Variants in EYS observed in about 807,000 individuals in gnomAD.
The protein encoded by EYS is EGF-like photoreceptor maintenance factor.
A neutral mutation model predicts 282.1 loss-of-function variants in EYS; 250 were observed. The observed-to-expected ratio is 0.89, with a 90% CI of 0.80 to 0.98. The LOEUF is 0.98. EYS is among the 50% of genes least tolerant of loss of function. The pLI is 0.00. For synonymous variants in EYS, 1,355 were observed against 1,282.9 expected, an observed-to-expected ratio of 1.06 and a Z score of -1.20; for missense variants, 4,016 against 3,709.0, an observed-to-expected ratio of 1.08 and a Z score of -2.15.
intron 1 of EYS, among the ~76,000 whole-genome samples, chr6:65,688,681 AAAAC>A (rs1314917681): frequency 2.0e-5 from 3 of 152,190 alleles, no homozygotes; most frequent in African/African-American, 7.2e-5. Context: ...TTACAAGAAA[AAAAC>A]AAACAACCCC....
chr6:64,708,680 T>C (rs1443791039), intron 22 of EYS, among the ~76,000 whole-genome samples: 1 of 152,182 alleles, frequency 6.6e-6, no homozygotes, highest in Non-Finnish European at 1.5e-5. Context: ...ATATCTCCTA[T>C]AAAAGATTAG....
chr6:64,223,384 G>A (rs11965070), intron 31 of EYS, among the ~76,000 whole-genome samples: 4 of 152,030 alleles, frequency 2.6e-5, no homozygotes, highest in South Asian at 2.1e-4. Context: ...AGTAAAATGC[G>A]TATCCTCTAG....
intron 35 of EYS, among the ~76,000 whole-genome samples, chr6:63,935,362 G>A (rs1765026223): frequency 6.6e-6 from 1 of 151,698 alleles, no homozygotes. Context: ...GCACTTATCT[G>A]TTATGAGCTG....
chr6:65,700,154 C>T (rs1360168869), intron 1 of EYS, among the ~76,000 whole-genome samples: 1 of 135,256 alleles, frequency 7.4e-6, no homozygotes, highest in African/African-American at 2.8e-5. Context: ...ATTAAAACAT[C>T]ACAAGGATTT....
intron 21 of EYS, among the ~76,000 whole-genome samples, chr6:64,817,194 T>C (rs761835570): frequency 2.0e-5 from 3 of 152,074 alleles, no homozygotes; most frequent in Non-Finnish European, 4.4e-5. Flanking sequence ...CTGGAAAGCA[T>C]TCTGATGGTT....
intron 30 of EYS, among the ~76,000 whole-genome samples, chr6:64,248,254 G>A (rs1235172172): frequency 6.6e-6 from 1 of 151,704 alleles, no homozygotes; most frequent in Non-Finnish European, 1.5e-5. Context: ...GCTGGAATAT[G>A]GGGAGGCTTG....
chr6:63,953,982 C>G (rs1382592947), intron 35 of EYS, among the ~76,000 whole-genome samples: 1 of 152,170 alleles, frequency 6.6e-6, no homozygotes, highest in Non-Finnish European at 1.5e-5. Context: ...GTTTTCATAA[C>G]TTCCAAAATC....
At chr6:65,553,503 T>C (rs1768675213) in intron 2 of EYS, among the ~76,000 whole-genome samples, 1 of 152,170 alleles carries the variant, frequency 6.6e-6, no homozygotes, top group South Asian at 2.1e-4. Flanking sequence ...CAATGATTTA[T>C]ATCTTAGAGT....
intron 13 of EYS, among the ~76,000 whole-genome samples, chr6:65,006,060 C>T (rs1162306861): frequency 1.3e-5 from 2 of 152,090 alleles, no homozygotes; most frequent in African/African-American, 4.8e-5. Flanking sequence ...TCCTTAGGCA[C>T]CTAGGCTATA....
intron 5 of EYS, among the ~76,000 whole-genome samples, chr6:65,488,433 G>A (rs773339938): frequency 3.3e-5 from 5 of 151,890 alleles, no homozygotes; most frequent in Admixed American, 2.0e-4. Context: ...TGTGAAGGAC[G>A]TCTTCAAGGA....
At chr6:63,831,960 A>T (rs1022437132) in intron 36 of EYS, among the ~76,000 whole-genome samples, 3 of 152,236 alleles carry the variant, frequency 2.0e-5, no homozygotes, top group Non-Finnish European at 4.4e-5. Flanking sequence ...CTGCTCCTGA[A>T]TGACTACTGG....
intron 18 of EYS, among the ~76,000 whole-genome samples, chr6:64,895,217 A>G (rs1385711485): frequency 6.6e-6 from 1 of 152,190 alleles, no homozygotes; most frequent in Non-Finnish European, 1.5e-5. Flanking sequence ...ATCTGATGCA[A>G]ATTTCACCAA....
chr6:64,248,738 T>A (rs1767102558), intron 30 of EYS, among the ~76,000 whole-genome samples: 1 of 152,038 alleles, frequency 6.6e-6, no homozygotes, highest in African/African-American at 2.4e-5. Flanking sequence ...TGGGTATATG[T>A]CCAAAGAAAA....
At chr6:64,952,464 A>C (rs1769545329) in intron 14 of EYS, among the ~76,000 whole-genome samples, 1 of 152,032 alleles carries the variant, frequency 6.6e-6, no homozygotes, top group Non-Finnish European at 1.5e-5. Flanking sequence ...CTAACATAGT[A>C]AGACAACCAT....
intron 26 of EYS, among the ~76,000 whole-genome samples, chr6:64,541,477 C>T (rs1764694397): frequency 6.6e-6 from 1 of 152,122 alleles, no homozygotes; most frequent in South Asian, 2.1e-4. Flanking sequence ...AACTGTATGC[C>T]ACCACTACTG....
At chr6:64,088,047 A>T (rs186890609) in intron 31 of EYS, among the ~76,000 whole-genome samples, 1 of 152,186 alleles carries the variant, frequency 6.6e-6, no homozygotes. Context: ...GAAAATTATG[A>T]CAGGAAACAA....
chr6:65,375,279 C>A (rs1028097308), intron 8 of EYS, among the ~76,000 whole-genome samples: 1 of 152,132 alleles, frequency 6.6e-6, no homozygotes, highest in Admixed American at 6.5e-5. Flanking sequence ...TGCAGCAGAC[C>A]TGCAGAAGAG....
chr6:65,319,426 T>G (rs964926438), intron 11 of EYS, among the ~76,000 whole-genome samples: 1 of 151,642 alleles, frequency 6.6e-6, no homozygotes, highest in African/African-American at 2.4e-5. Context: ...CGCCACTCTA[T>G]TTTAGCAAAA....
rs551100968 is a variant in EYS at position 64,198,083 on chromosome 6, C to T, written c.6424+32509G>A. ...TCTCGGCTCACTGCAAGCTCCGCTT[C>T]CCGGGTTCACGCCATTCTCCTGCCT... On this transcript the variant is annotated intron_variant, in intron 31 of 42. Transcript: ENST00000503581. Among the ~76,000 whole-genome samples the T allele has an allele frequency of 6.6e-5, 10 of 152,030 alleles. No individual in the cohort carries two copies. In the East Asian group the frequency reaches 1.9e-3, roughly 29 times the overall value.
Sources: gnomAD v4.1 joint callset for allele counts (sites outside exome capture counted in the v4.1 genomes callset) on GRCh38, gnomAD v4.1.1 for gene constraint, MANE v1.5 for transcripts, NCBI Gene and HGNC (gene_info 2026-07-23, HGNC 2026-07-21) for gene names.